The following DDX56 variants were observed in gnomAD, a reference collection of about 807,000 sequenced individuals.
DDX56 encodes probable ATP-dependent RNA helicase DDX56.
DDX56 carries 45 observed loss-of-function variants against 61.5 expected under a neutral mutation model. That is an observed-to-expected ratio of 0.73 (90% CI 0.58 to 0.94). The LOEUF is 0.94. Among genes scored for constraint, DDX56 ranks in the 40% least tolerant of loss-of-function variants. DDX56 has a pLI of 0.00. For synonymous variants in DDX56, 273 were observed against 268.3 expected (o/e 1.02, Z -0.17); for missense variants, 708 against 690.7 (o/e 1.02, Z -0.28).
chr7:44,569,725 C>T, intron 9 of DDX56, 84 bp downstream of exon 9: 1 of 1,231,554 alleles, frequency 8.1e-7, no homozygotes, highest in Non-Finnish European at 1.2e-6. Context: ...TATGTTGTGA[C>T]CTCTGTCATC....
At chr7:44,572,268 G>A in intron 5 of DDX56, 79 bp downstream of exon 5, 1 of 1,248,668 alleles carries the variant, frequency 8.0e-7, no homozygotes, top group Non-Finnish European at 1.2e-6. Flanking sequence ...AAACACCAAA[G>A]AATCCCCTAA....
In DDX56 at chr7:44,566,435, C is replaced by G. The variant is rs2117116183; in HGVS notation, c.1566+13G>C. 8 of 1,551,086 alleles carry G rather than the reference C, an allele frequency of 5.2e-6. No homozygotes were observed. The highest frequency in any genetic ancestry group is 2.4e-5 in the East Asian group (1 of 40,942). Reference sequence around the variant, plus strand: ...GGAGTCCTGGGGCTGTCCGCAGTCCCCAGGAGCCGTACCTTGGCCTTCCTA... The same window carrying G: ...GGAGTCCTGGGGCTGTCCGCAGTCCGCAGGAGCCGTACCTTGGCCTTCCTA... On this transcript the variant is annotated intron_variant, in intron 13 of 13. Transcript: ENST00000258772.
At chr7:44,573,516 C>G (rs866643505) in intron 2 of DDX56, 67 bp downstream of exon 2, 4 of 1,574,722 alleles carry the variant, frequency 2.5e-6, no homozygotes, top group Non-Finnish European at 3.5e-6. Flanking sequence ...CTCAGACAAA[C>G]GGGAACCGCC....
Position 44,572,634 on chromosome 7 carries a change from A to G in DDX56, c.494T>C (p.Val165Ala). 6.2e-7 allele frequency: 1 copy of G among 1,614,174 alleles called. No homozygotes were observed. Among genetic ancestry groups the G allele is most frequent in the Non-Finnish European group, 8.5e-7 (1 of 1,180,032 alleles). The change falls in exon 4 of 14, where the codon GTG becomes GCG. Residue 165 changes from valine to alanine, a missense_variant. Val to Ala is a moderately conservative substitution (Grantham distance 64, BLOSUM62 0). Transcript: ENST00000258772. Reference sequence around the variant, plus strand: ...GGAAAAAAGAAGGTCAGCTTCGTCCACCACCAAAAGCTCCAGGGAGTCACG... The same window carrying G: ...GGAAAAAAGAAGGTCAGCTTCGTCCGCCACCAAAAGCTCCAGGGAGTCACG... ...KLRDSLELLV[V>A]DEADLLFSFG...
At chr7:44,570,655 G>A (rs1802647163) in intron 7 of DDX56, 103 bp downstream of exon 7, 1 of 1,438,818 alleles carries the variant, frequency 7.0e-7, no homozygotes, top group Admixed American at 2.2e-5. Flanking sequence ...AGCCAGGCCT[G>A]GAAGGTTTGG....
At chr7:44,569,787 A>G (rs1215087823) in intron 9 of DDX56, 22 bp downstream of exon 9, 2 of 1,586,952 alleles carry the variant, frequency 1.3e-6, no homozygotes, top group Non-Finnish European at 1.7e-6. Context: ...CTGGCCCAGG[A>G]CCACAAGAGC....
chr7:44,566,543 T>C lies in DDX56; in HGVS notation c.1490-19A>G. On this transcript the variant is annotated intron_variant, in intron 12 of 13. Coordinates refer to ENST00000258772, the MANE Select transcript of DDX56 (RefSeq NM_019082.4). ...GGAGGAACTGGAAGAGATGCTTGCC[T>C]GAGCAGTGGGCTCACCGCTACTGCT... 6.5e-7 allele frequency: 1 copy of C among 1,536,476 alleles called. No homozygotes were observed. The highest frequency in any genetic ancestry group is 8.8e-7 in the Non-Finnish European group (1 of 1,133,662).
In DDX56 at chr7:44,566,064, T is replaced by G. The variant is rs144330000; in HGVS notation, c.1582A>C (p.Asn528His). 1.8e-4 allele frequency: 298 copies of G among 1,612,026 alleles called. No individual in the cohort carries two copies. The African/African-American group carries it at 3.7e-3, about 20-fold the overall frequency. ...TTGTGCTTGAAGCTGCGCAGTGGGT[T>G]CTGGGACTTTGCTCTCTAAGGAGGC... ...CRKAKRAKSQ[N>H]PLRSFKHKGK... Residue 528 changes from asparagine (N) to histidine (H), a missense_variant, in exon 14 of 14, where the codon AAC becomes CAC. Physicochemically the swap from Asn to His is moderately conservative, Grantham distance 68. Transcript: ENST00000258772.
In DDX56 at chr7:44,573,746, T is replaced by C. The variant is rs62459151; in HGVS notation, c.61-2A>G. The C allele has an allele frequency of 6.2e-7, 1 of 1,613,472 alleles. No homozygotes were observed. The highest frequency in any genetic ancestry group is 1.7e-5 in the Admixed American group (1 of 60,024). ...CGACCAGCCCAGATCGGTGACAGCC[T>C]AGGAGACCAGGAGTGCGGTTTAAGC... On this transcript the variant is annotated splice_acceptor_variant, in intron 1 of 13. Coordinates refer to ENST00000258772, the MANE Select transcript of DDX56 (RefSeq NM_019082.4). LOFTEE classifies it high-confidence loss of function.
In DDX56 at chr7:44,572,399, G is replaced by A; in HGVS notation, c.593C>T (p.Ala198Val). The A allele has an allele frequency of 6.2e-7, 1 of 1,614,118 alleles. No homozygotes were observed. Among genetic ancestry groups the A allele is most frequent in the South Asian group, 1.1e-5 (1 of 91,080 alleles). ...TGCTTGTACGTCCTCGTTAAAAGTAGCTGACATGAGAAAAGCCTGGTAAAT... is the reference window on the plus strand; with the variant it reads ...TGCTTGTACGTCCTCGTTAAAAGTAACTGACATGAGAAAAGCCTGGTAAAT... ...PRIYQAFLMSATFNEDVQALK... is the reference protein window; with the variant it reads ...PRIYQAFLMSVTFNEDVQALK... Residue 198 changes from alanine to valine, a missense_variant, in exon 5 of 14, where the codon GCT becomes GTT. By Grantham distance (64) the Ala-to-Val change is moderately conservative (BLOSUM62 0). Coordinates refer to ENST00000258772, the MANE Select transcript of DDX56 (RefSeq NM_019082.4).
chr7:44,568,741 C>T (rs563644342), intron 11 of DDX56, among the ~76,000 whole-genome samples, 162 bp downstream of exon 11: 23 of 152,006 alleles, frequency 1.5e-4, no homozygotes, highest in Non-Finnish European at 2.4e-4. Context: ...CCAAGCAGAA[C>T]AGACTGGCTT....
At position 44,568,942 on chromosome 7, in the gene DDX56, C is replaced by T. The variant is rs1372442706; in HGVS notation, c.1344G>A (p.Lys448=). The T allele has an allele frequency of 6.2e-7, 1 of 1,614,154 alleles. No individual in the cohort carries two copies. Among genetic ancestry groups the T allele is most frequent in the Non-Finnish European group, 8.5e-7 (1 of 1,180,036 alleles). The change falls in exon 11 of 14, where the codon AAG becomes AAA. Residue 448 remains lysine (K), a synonymous_variant. Coordinates refer to ENST00000258772, the MANE Select transcript of DDX56 (RefSeq NM_019082.4). ...AATGCAGAAGCTCTTCCTTGATCTC[C>T]TTCAATCTTGCCTCCCGAATGGCCT... ...TKQAIREARL[K]EIKEELLHSE...
chr7:44,572,392 A>G lies in DDX56; in HGVS notation c.600T>C (p.Phe200=). 1 of 1,614,138 alleles carries G rather than the reference A, an allele frequency of 6.2e-7. No homozygotes were observed. Among genetic ancestry groups the G allele is most frequent in the South Asian group, 1.1e-5 (1 of 91,080 alleles). Reference sequence around the variant, plus strand: ...CCTTGAGTGCTTGTACGTCCTCGTTAAAAGTAGCTGACATGAGAAAAGCCT... The same window carrying G: ...CCTTGAGTGCTTGTACGTCCTCGTTGAAAGTAGCTGACATGAGAAAAGCCT... The part of the protein sequence containing the change: ...IYQAFLMSAT[F]NEDVQALKEL... The change falls in exon 5 of 14, where the codon TTT becomes TTC. Residue 200 remains phenylalanine (F), a synonymous_variant. Coordinates refer to ENST00000258772, the MANE Select transcript of DDX56 (RefSeq NM_019082.4).
At position 44,569,184 on chromosome 7, in the gene DDX56, C is replaced by T; in HGVS notation, c.1239G>A (p.Leu413=). ...LLSGENRGPI[L]LPYQFRMEEI... is the part of the protein sequence containing the mutation. ...CCTCCATCCGGAACTGGTAGGGGAGCAGAATGGGGCCCCTGTTCTCTGTGG... is the reference window on the plus strand; with the variant it reads ...CCTCCATCCGGAACTGGTAGGGGAGTAGAATGGGGCCCCTGTTCTCTGTGG... Residue 413 remains leucine, a synonymous_variant, in exon 10 of 14, where the codon CTG becomes CTA. Coordinates refer to ENST00000258772, the MANE Select transcript of DDX56 (RefSeq NM_019082.4). The T allele has an allele frequency of 9.9e-6, 16 of 1,613,996 alleles. No homozygotes were observed. The highest frequency in any genetic ancestry group is 1.3e-5 in the African/African-American group (1 of 75,068).
intron 2 of DDX56, 49 bp downstream of exon 2, chr7:44,573,534 G>A (rs1308558489): frequency 1.3e-6 from 2 of 1,597,520 alleles, no homozygotes; most frequent in South Asian, 1.1e-5. Flanking sequence ...GCCCTTCCCA[G>A]GCTTTTGGAG....
chr7:44,571,242 C>A (rs1802661191), intron 6 of DDX56, among the ~76,000 whole-genome samples: 2 of 152,118 alleles, frequency 1.3e-5, no homozygotes, highest in African/African-American at 4.8e-5. Context: ...TTTCACCATG[C>A]TGGCCAGGCT....
rs1802709569 is a variant in DDX56, at chr7:44,572,750, G to A, written c.384-6C>T. On this transcript the variant is annotated splice_polypyrimidine_tract_variant and splice_region_variant and intron_variant, in intron 3 of 13. Coordinates refer to ENST00000258772, the MANE Select transcript of DDX56 (RefSeq NM_019082.4). ...GCTTCTCCATCAGCACAGCTCTGGAGGTGGACAAGACATCAGTATCAGGCA... is the reference window on the plus strand; with the variant it reads ...GCTTCTCCATCAGCACAGCTCTGGAAGTGGACAAGACATCAGTATCAGGCA... 1 of 1,614,064 alleles carries A rather than the reference G, an allele frequency of 6.2e-7. No homozygotes were observed. The highest frequency in any genetic ancestry group is 8.5e-7 in the Non-Finnish European group (1 of 1,179,938).
chr7:44,573,517 G>GGCCCAGGCTTTT, intron 2 of DDX56, 66 bp downstream of exon 2: 1 of 1,577,438 alleles, frequency 6.3e-7, no homozygotes, highest in South Asian at 1.1e-5. Flanking sequence ...TCAGACAAAC[G>GGCCCAGGCTTTT]GGAACCGCCC....
rs755165770 is a variant in DDX56, at chr7:44,571,626, G to A, written c.756C>T (p.Leu252=). 6.8e-6 allele frequency: 11 copies of A among 1,614,054 alleles called. No individual in the cohort carries two copies. Among genetic ancestry groups the A allele is most frequent in the South Asian group, 2.2e-5 (2 of 91,088 alleles). Residue 252 remains leucine (L), a synonymous_variant, in exon 6 of 14, where the codon CTC becomes CTT. Coordinates refer to ENST00000258772, the MANE Select transcript of DDX56 (RefSeq NM_019082.4). The stretch of plus-strand genomic sequence containing the variant: ...ACTTGCCCCGAATCAATGACAGCTT[G>A]AGCAGGGCATACAGCAGGAGGAATT... ...EDKFLLLYAL[L]KLSLIRGKSL... is the part of the protein sequence containing the mutation.
Sources: allele counts gnomAD v4.1 joint callset (sites outside exome capture counted in the v4.1 genomes callset), GRCh38; gene constraint gnomAD v4.1.1; transcripts MANE v1.5; gene names NCBI Gene and HGNC (gene_info 2026-07-23, HGNC 2026-07-21).